Variants in MRM1 observed in about 807,000 individuals in gnomAD.
MRM1 encodes rRNA methyltransferase 1, mitochondrial.
In MRM1, 24 loss-of-function variants were observed where a neutral mutation model predicts 25.0. That is an observed-to-expected ratio of 0.96 (90% confidence interval 0.69 to 1.35). The LOEUF (loss-of-function observed/expected upper bound fraction) is 1.35. Among genes scored for constraint, MRM1 ranks in the 40% most tolerant of loss-of-function variants. MRM1 has a pLI of 0.00. For missense variants in MRM1, 431 were observed against 464.1 expected (o/e 0.93, Z 0.65); for synonymous variants, 188 against 199.2 (o/e 0.94, Z 0.47).
chr17:36,605,666 G>A (rs2074922537), intron 2 of MRM1, among the ~76,000 whole-genome samples: 2 of 151,238 alleles, frequency 1.3e-5, no homozygotes, highest in South Asian at 4.2e-4. Context: ...GCTGTCAGGC[G>A]GGCATTTCAA....
chr17:36,601,906 G>A lies in MRM1; in HGVS notation c.96G>A (p.Gly32=). ...HAARHGERPG[G]EELSRLLLDD... ...CGCGGCATGGGGAGCGGCCTGGTGG[G>A]GAGGAGCTAAGCCGCTTGCTGCTGG... The change falls in exon 1 of 5, where the codon GGG becomes GGA. Residue 32 remains glycine, a synonymous_variant. Coordinates refer to ENST00000614766, the MANE Select transcript of MRM1 (RefSeq NM_024864.5). 1.2e-6 allele frequency: 2 copies of A among 1,612,088 alleles called. No homozygotes were observed. The highest frequency in any genetic ancestry group is 1.7e-6 in the Non-Finnish European group (2 of 1,179,854).
At position 36,601,662 on chromosome 17, in the gene MRM1, G is replaced by A; in HGVS notation, c.-149G>A. The A allele has an allele frequency of 1.2e-6, 1 of 809,188 alleles. No individual in the cohort carries two copies. Among genetic ancestry groups the A allele is most frequent in the Middle Eastern group, 3.8e-4 (1 of 2,614 alleles). 50.1% of individuals were successfully genotyped at this position (809,188 alleles called of 1,614,324 possible). A position where few individuals can be genotyped will look rare whatever the true frequency, so the allele number is the denominator to read the frequency against. On this transcript the variant is annotated 5_prime_UTR_variant, in exon 1 of 5. Transcript: ENST00000614766. ...GGTAGTCCAGTTGTGGGTAATCGGG[G>A]CTGTTTGTTCCTGTCCGAGAGAGCT...
At chr17:36,623,582 C>A in the MRM1 span, among the ~76,000 whole-genome samples, 12 of 152,158 alleles carry the variant, frequency 7.9e-5, no homozygotes, top group Non-Finnish European at 1.5e-4. Context: ...AGAATGTGAC[C>A]CATTCAGTTC....
the MRM1 span, among the ~76,000 whole-genome samples, chr17:36,622,291 A>G: frequency 1.3e-5 from 2 of 151,894 alleles, no homozygotes; most frequent in Middle Eastern, 3.2e-3. Flanking sequence ...GAGACTTCAG[A>G]CTGGGCGTGG....
chr17:36,617,374 A>T, the MRM1 span, among the ~76,000 whole-genome samples: 1 of 146,796 alleles, frequency 6.8e-6, no homozygotes, highest in Non-Finnish European at 1.5e-5. Flanking sequence ...ACCTTCAATA[A>T]CCCTTCCTTC....
In MRM1 at chr17:36,608,539, T is replaced by C. The variant is rs887999175; in HGVS notation, c.*124T>C. ...AGGCCCATGTTTATTGACCACAGTCTGGGGGGGGGGGAAGGGGACTGCGGT... is the reference window on the plus strand; with the variant it reads ...AGGCCCATGTTTATTGACCACAGTCCGGGGGGGGGGGAAGGGGACTGCGGT... On this transcript the variant is annotated 3_prime_UTR_variant, in exon 5 of 5. Transcript: ENST00000614766. The C allele has an allele frequency of 3.6e-6, 1 of 274,728 alleles. No individual in the cohort carries two copies. The highest frequency in any genetic ancestry group is 6.4e-6 in the Non-Finnish European group (1 of 155,432). 17.0% of individuals were successfully genotyped at this position (274,728 alleles called of 1,614,324 possible).
chr17:36,629,146 A>C, the MRM1 span, among the ~76,000 whole-genome samples: 119 of 152,336 alleles, frequency 7.8e-4, 1 homozygote, highest in African/African-American at 2.6e-3. Flanking sequence ...ACCAGTGCAC[A>C]CAAAATAGTG....
In MRM1 at chr17:36,602,470, C is replaced by T. The variant is rs73278854; in HGVS notation, c.543-83C>T. On this transcript the variant is annotated intron_variant, in intron 1 of 4. Coordinates refer to ENST00000614766, the MANE Select transcript of MRM1 (RefSeq NM_024864.5). This position sits in a 1 kb window ranked among gnomAD's most constrained non-coding sequence, Gnocchi z 4.1. ...TTACCTGTCCCAGAACTCTCATCCC[C>T]CTAGCCCTTGGGAGCCCTGGGAGGG... 1,261 of 1,603,602 alleles carry T rather than the reference C, an allele frequency of 7.9e-4. 11 individuals carry two copies. In the African/African-American group the frequency reaches 0.016, roughly 20 times the overall value.
chr17:36,619,519 T>C, the MRM1 span, among the ~76,000 whole-genome samples: 1 of 152,102 alleles, frequency 6.6e-6, no homozygotes, highest in Non-Finnish European at 1.5e-5. Context: ...AATACAAAAA[T>C]TAGCCAGGTG....
chr17:36,623,469 G>T, the MRM1 span, among the ~76,000 whole-genome samples: 12 of 152,172 alleles, frequency 7.9e-5, no homozygotes, highest in Non-Finnish European at 1.8e-4. Context: ...AGGTTTCTGG[G>T]CTTGATTAAT....
At chr17:36,607,597 T>C in intron 2 of MRM1, 73 bp from the exon 3 acceptor site, 1 of 1,515,910 alleles carries the variant, frequency 6.6e-7, no homozygotes, top group South Asian at 1.3e-5. Context: ...CACTCCAGCC[T>C]GAGCGAGAGT....
chr17:36,608,763 A>T lies in MRM1; in HGVS notation c.*348A>T. On this transcript the variant is annotated 3_prime_UTR_variant, in exon 5 of 5. Coordinates refer to ENST00000614766, the MANE Select transcript of MRM1 (RefSeq NM_024864.5). Reference sequence around the variant, plus strand: ...CCAGGGGACCCGTTCCTCTTGAACCAGTCATTGCCTGTGGCAAATGTGTGT... The same window carrying T: ...CCAGGGGACCCGTTCCTCTTGAACCTGTCATTGCCTGTGGCAAATGTGTGT... The T allele has an allele frequency of 8.7e-6, 2 of 230,942 alleles. No individual in the cohort carries two copies. The highest frequency in any genetic ancestry group is 1.7e-5 in the Non-Finnish European group (2 of 119,328). The allele number at this position is 230,942 out of a possible 1,614,324, so 14.3% of individuals were successfully genotyped here.
chr17:36,602,660 A>G lies in MRM1; in HGVS notation c.636+14A>G. 1 of 1,613,670 alleles carries G rather than the reference A, an allele frequency of 6.2e-7. No homozygotes were observed. Among genetic ancestry groups the G allele is most frequent in the Non-Finnish European group, 8.5e-7 (1 of 1,179,580 alleles). ...GGATTTTTACAGGTAATGAGGGGCA[A>G]GAGGGGAAGGAACAGATGTGAGCCC... is the stretch of plus-strand genomic sequence containing the variant. On this transcript the variant is annotated intron_variant, in intron 2 of 4. Coordinates refer to ENST00000614766, the MANE Select transcript of MRM1 (RefSeq NM_024864.5). The surrounding 1 kb of genome is among the most constrained non-coding windows in gnomAD (Gnocchi z 4.1).
At chr17:36,610,237 C>CTT (rs34382830), downstream of MRM1, among the ~76,000 whole-genome samples, 39,467 of 138,976 alleles carry the variant, frequency 0.28, 6,847 homozygotes, top group African/African-American at 0.5. Context: ...GGCCTAAGAT[C>CTT]TTTTTTTTTT....
At chr17:36,617,878 C>T in the MRM1 span, among the ~76,000 whole-genome samples, 1 of 152,204 alleles carries the variant, frequency 6.6e-6, no homozygotes, top group East Asian at 1.9e-4. Flanking sequence ...GTTGCTCCCT[C>T]TCTGAGGCTG....
chr17:36,614,323 C>G, the MRM1 span, among the ~76,000 whole-genome samples: 1 of 152,068 alleles, frequency 6.6e-6, no homozygotes, highest in Admixed American at 6.5e-5. Flanking sequence ...GGGAGGTGCT[C>G]CAGAAAGTTC....
chr17:36,631,082 A>G, the MRM1 span, among the ~76,000 whole-genome samples: 1 of 152,226 alleles, frequency 6.6e-6, no homozygotes, highest in Non-Finnish European at 1.5e-5. Context: ...TGTTAGATGC[A>G]TGGAAGGTGC....
chr17:36,603,029 G>A, intron 2 of MRM1: 1 of 978,584 alleles, frequency 1.0e-6, no homozygotes, highest in Non-Finnish European at 1.2e-6. Context: ...GTTTGAACAA[G>A]AAGATCTTTA....
chr17:36,614,670 T>C, the MRM1 span, among the ~76,000 whole-genome samples: 1 of 152,194 alleles, frequency 6.6e-6, no homozygotes, highest in Non-Finnish European at 1.5e-5. Context: ...CAAGGCAAGA[T>C]GCTTGTCCTC....
Sources: gnomAD v4.1 joint callset for allele counts (sites outside exome capture counted in the v4.1 genomes callset) on GRCh38, gnomAD v4.1.1 for gene constraint, Gnocchi (gnomAD v3.1) non-coding constraint, MANE v1.5 for transcripts, NCBI Gene and HGNC (gene_info 2026-07-23, HGNC 2026-07-21) for gene names.